Variants in SYNE3 observed in about 807,000 individuals in gnomAD.
SYNE3 encodes the protein spectrin repeat containing nuclear envelope family member 3, also known as nesprin-3.
Under a neutral mutation model 111.2 loss-of-function variants are expected in SYNE3, and 100 were observed. The observed-to-expected ratio is 0.90, with a 90% CI of 0.77 to 1.06. The LOEUF is 1.06. Among genes scored for constraint, SYNE3 ranks in the 50% least tolerant of loss-of-function variants. SYNE3 has a pLI of 0.00. For synonymous variants in SYNE3, 547 were observed against 533.9 expected (o/e 1.02, Z -0.34); for missense variants, 1,160 against 1,240.3 (o/e 0.94, Z 0.97).
chr14:95,460,416 T>G (rs1214070754), intron 4 of SYNE3, among the ~76,000 whole-genome samples: 2 of 146,592 alleles, frequency 1.4e-5, no homozygotes, highest in Non-Finnish European at 3.0e-5. Context: ...AGACGGGGTT[T>G]CACCATGTTG....
chr14:95,441,629 T>C (rs1225331846), intron 11 of SYNE3, among the ~76,000 whole-genome samples: 3 of 152,246 alleles, frequency 2.0e-5, no homozygotes, highest in Non-Finnish European at 4.4e-5. Context: ...ATCATTTGGA[T>C]GGAGGTATTA....
At chr14:95,483,206 G>A (rs1361952256) in intron 1 of SYNE3, among the ~76,000 whole-genome samples, 2 of 152,218 alleles carry the variant, frequency 1.3e-5, no homozygotes, top group East Asian at 3.9e-4. Flanking sequence ...GAACTCAGAA[G>A]GCGTTGGGAT....
chr14:95,471,841 G>A (rs1254169306), intron 2 of SYNE3, among the ~76,000 whole-genome samples: 1 of 152,178 alleles, frequency 6.6e-6, no homozygotes, highest in Non-Finnish European at 1.5e-5. Context: ...GTGGGGATCG[G>A]ATGTAAGGAA....
intron 4 of SYNE3, among the ~76,000 whole-genome samples, chr14:95,458,853 A>G (rs910366929): frequency 2.0e-5 from 3 of 152,244 alleles, no homozygotes; most frequent in African/African-American, 7.2e-5. Flanking sequence ...AAGAAAAGGG[A>G]AAAAGGAGAC....
At position 95,456,599 on chromosome 14, in the gene SYNE3, C is replaced by T. The variant is rs574746387; in HGVS notation, c.789+578G>A. On this transcript the variant is annotated intron_variant, in intron 5 of 17. Transcript: ENST00000682763. ...GTCTCTAGACACTGCCAAATGCCCC[C>T]CATTGGAGACCCACCAGCCTAGACC... 3.9e-5 allele frequency among the ~76,000 whole-genome samples: 6 copies of T among 152,296 alleles called. No individual in the cohort carries two copies. The South Asian group carries it at 1.2e-3, about 32-fold the overall frequency.
At chr14:95,420,009 C>T (rs1374129285) in intron 17 of SYNE3, among the ~76,000 whole-genome samples, 1 of 69,446 alleles carries the variant, frequency 1.4e-5, no homozygotes, top group Non-Finnish European at 3.1e-5. Context: ...CCTCTCCTCT[C>T]TGAGTCAACT....
intron 17 of SYNE3, chr14:95,429,870 G>T: frequency 1.1e-6 from 1 of 920,924 alleles, no homozygotes; most frequent in South Asian, 5.0e-5. Context: ...GGACATGTGC[G>T]CTCTGGTCCC....
chr14:95,502,820 C>T (rs1404318410), intron 1 of SYNE3, among the ~76,000 whole-genome samples: 1 of 152,206 alleles, frequency 6.6e-6, no homozygotes, highest in Non-Finnish European at 1.5e-5. Flanking sequence ...GACTCAGAAA[C>T]CACAGGACTC....
intron 6 of SYNE3, among the ~76,000 whole-genome samples, chr14:95,454,342 G>A (rs540639604): frequency 6.6e-6 from 1 of 152,354 alleles, no homozygotes; most frequent in South Asian, 2.1e-4. Flanking sequence ...TCCACCTATT[G>A]GATGTATAAC....
chr14:95,422,624 G>C (rs1431680924), intron 17 of SYNE3, among the ~76,000 whole-genome samples: 2 of 152,196 alleles, frequency 1.3e-5, no homozygotes, highest in African/African-American at 4.8e-5. Context: ...GAGGCTAAGG[G>C]TCTTAACTGG....
intron 1 of SYNE3, among the ~76,000 whole-genome samples, chr14:95,513,237 T>C (rs1890785814): frequency 6.6e-6 from 1 of 152,220 alleles, no homozygotes; most frequent in Non-Finnish European, 1.5e-5. Flanking sequence ...TTCTTGCTTT[T>C]TGTCGTCATT....
At chr14:95,455,278 A>G in intron 6 of SYNE3, 99 bp downstream of exon 6, 1 of 968,138 alleles carries the variant, frequency 1.0e-6, no homozygotes, top group Non-Finnish European at 1.5e-6. Flanking sequence ...GAGTGTGCTC[A>G]GGGCTCAGCC....
intron 3 of SYNE3, 149 bp downstream of exon 3, chr14:95,467,646 G>T: frequency 1.1e-6 from 1 of 906,844 alleles, no homozygotes; most frequent in South Asian, 1.7e-5. Context: ...GAAAGAGGCA[G>T]GCAGGGCTGG....
chr14:95,422,204 C>T (rs988418318), intron 17 of SYNE3, among the ~76,000 whole-genome samples: 5 of 151,892 alleles, frequency 3.3e-5, no homozygotes, highest in East Asian at 1.9e-4. Flanking sequence ...CTGCTGTCTG[C>T]GAGCTGTTCT....
chr14:95,509,370 G>A (rs78601445), intron 1 of SYNE3, among the ~76,000 whole-genome samples: 4,477 of 152,248 alleles, frequency 0.029, 224 homozygotes, highest in African/African-American at 0.1. Flanking sequence ...AGCTGGGAAC[G>A]TGGGACCTAA....
intron 1 of SYNE3, among the ~76,000 whole-genome samples, chr14:95,484,745 G>C (rs764713007): frequency 3.3e-5 from 5 of 152,210 alleles, no homozygotes; most frequent in Non-Finnish European, 5.9e-5. Context: ...ATATCACAGT[G>C]CCTCTCATGG....
chr14:95,484,631 G>T (rs1889447263), intron 1 of SYNE3, among the ~76,000 whole-genome samples: 2 of 152,218 alleles, frequency 1.3e-5, no homozygotes, highest in South Asian at 4.1e-4. Context: ...GGTTGGTACT[G>T]GCTTTTCACA....
chr14:95,490,860 A>G (rs561132539), intron 1 of SYNE3, among the ~76,000 whole-genome samples: 2 of 152,352 alleles, frequency 1.3e-5, no homozygotes, highest in African/African-American at 4.8e-5. Context: ...TGTGGCACGC[A>G]GTACCAGCCA....
At chr14:95,515,270 G>A (rs372113305) in intron 1 of SYNE3, among the ~76,000 whole-genome samples, 5 of 152,216 alleles carry the variant, frequency 3.3e-5, no homozygotes, top group African/African-American at 7.2e-5. Context: ...GCCGAGCACC[G>A]TCCGGCCTGA....
Sources: gnomAD v4.1 joint callset for allele counts (sites outside exome capture counted in the v4.1 genomes callset) on GRCh38, gnomAD v4.1.1 for gene constraint, MANE v1.5 for transcripts, NCBI Gene and HGNC (gene_info 2026-07-23, HGNC 2026-07-21) for gene names.